ASTN2: variants seen among roughly 807,000 people sequenced by gnomAD.
The protein encoded by ASTN2 is astrotactin-2.
Under a neutral mutation model 139.8 loss-of-function variants are expected in ASTN2, and 54 were observed. The ratio of observed to expected loss-of-function variants is 0.39; its 90% CI spans 0.31 to 0.48. ASTN2 has a LOEUF of 0.48. Among genes scored for constraint, ASTN2 ranks in the 20% least tolerant of loss-of-function variants. ASTN2 has a pLI of 0.95. For missense variants in ASTN2, 1,565 were observed against 1,725.1 expected (o/e 0.91, Z 1.64); for synonymous variants, 756 against 719.5 (o/e 1.05, Z -0.81).
intron 10 of ASTN2, among the ~76,000 whole-genome samples, chr9:116,972,543 C>T (rs1836240394): frequency 6.6e-6 from 1 of 152,114 alleles, no homozygotes; most frequent in Admixed American, 6.6e-5. Flanking sequence ...ATATATACCT[C>T]CAACTTTAGT....
intron 10 of ASTN2, among the ~76,000 whole-genome samples, chr9:116,971,868 G>C (rs1928986): frequency 0.97 from 147,928 of 152,264 alleles, 72,002 homozygotes; most frequent in East Asian, 1. Context: ...CCATTATTCT[G>C]AAGGGGAAAC....
intron 5 of ASTN2, among the ~76,000 whole-genome samples, chr9:117,043,215 G>A (rs1185655369): frequency 6.6e-6 from 1 of 152,008 alleles, no homozygotes; most frequent in Non-Finnish European, 1.5e-5. Context: ...TATTCTGGGG[G>A]AAAAATATGT....
intron 19 of ASTN2, among the ~76,000 whole-genome samples, chr9:116,503,800 G>A (rs1278034856): frequency 6.6e-6 from 1 of 152,104 alleles, no homozygotes; most frequent in Non-Finnish European, 1.5e-5. Context: ...TACAAAGCAC[G>A]CTCTTTCCTC....
intron 11 of ASTN2, among the ~76,000 whole-genome samples, chr9:116,823,492 T>A (rs866196471): frequency 6.6e-6 from 1 of 152,154 alleles, no homozygotes. Context: ...AGGCAGGGCT[T>A]AGAGCTGATC....
intron 6 of ASTN2, among the ~76,000 whole-genome samples, chr9:117,037,447 GTAC>G (rs1269525889): frequency 6.6e-6 from 1 of 152,242 alleles, no homozygotes; most frequent in Non-Finnish European, 1.5e-5. Flanking sequence ...TATGAGGTAG[GTAC>G]TACTATTATC....
chr9:117,140,935 G>A (rs1045537563), intron 4 of ASTN2, among the ~76,000 whole-genome samples: 1 of 152,228 alleles, frequency 6.6e-6, no homozygotes, highest in Non-Finnish European at 1.5e-5. Context: ...AAAAGTAGGC[G>A]CAGACCCCTG....
intron 5 of ASTN2, among the ~76,000 whole-genome samples, chr9:117,043,816 G>A (rs1222944299): frequency 2.0e-5 from 3 of 150,434 alleles, no homozygotes; most frequent in Non-Finnish European, 2.9e-5. Flanking sequence ...GCTGAGGCAC[G>A]AGAATCGCTT....
At chr9:117,071,185 T>A (rs1445655288) in intron 5 of ASTN2, among the ~76,000 whole-genome samples, 2 of 151,540 alleles carry the variant, frequency 1.3e-5, no homozygotes, top group African/African-American at 4.9e-5. Context: ...ACAGATGGGT[T>A]TTTGGTGTGG....
chr9:117,227,444 G>A (rs890805861), intron 2 of ASTN2, among the ~76,000 whole-genome samples: 1 of 152,140 alleles, frequency 6.6e-6, no homozygotes, highest in Non-Finnish European at 1.5e-5. Context: ...TCTTTTTGGA[G>A]TGTATGAATA....
At chr9:117,089,672 C>T (rs995960687) in intron 5 of ASTN2, among the ~76,000 whole-genome samples, 4 of 151,716 alleles carry the variant, frequency 2.6e-5, no homozygotes, top group African/African-American at 4.8e-5. Context: ...TTTTATCCCT[C>T]GCCCCCCTCC....
intron 2 of ASTN2, among the ~76,000 whole-genome samples, chr9:117,222,588 C>T (rs1832562669): frequency 6.6e-6 from 1 of 152,114 alleles, no homozygotes; most frequent in Non-Finnish European, 1.5e-5. Context: ...TTTGTAGAAG[C>T]CATTTACTTT....
intron 19 of ASTN2, among the ~76,000 whole-genome samples, chr9:116,593,653 C>T (rs1588049514): frequency 6.6e-6 from 1 of 152,310 alleles, no homozygotes; most frequent in East Asian, 1.9e-4. Context: ...AAACAACTTT[C>T]ATCACTCTCA....
intron 2 of ASTN2, among the ~76,000 whole-genome samples, chr9:117,242,004 CTTTTTTTTTTTTTTT>C (rs10579284): frequency 2.4e-5 from 1 of 42,478 alleles, no homozygotes; most frequent in Non-Finnish European, 4.0e-5. Flanking sequence ...TTTGGCAAGT[CTTTTTTTTTTTTTTT>C]TTTTTTTTTT....
rs16934116 is a variant in ASTN2 at position 116,958,687 on chromosome 9, C to T, written c.1889+16521G>A. Among the ~76,000 whole-genome samples the T allele has an allele frequency of 1.8e-4, 28 of 152,178 alleles. 2 individuals carry two copies. The South Asian group carries it at 4.6e-3, about 25-fold the overall frequency. ...GGATGAGTAGGAATAGCCCTAGTCA[C>T]TGGAAATTGGTGGGTATGGCACTGG... is the stretch of plus-strand genomic sequence containing the variant. On this transcript the variant is annotated intron_variant, in intron 10 of 22. Transcript: ENST00000313400.
At chr9:117,107,762 A>G (rs1017942603) in intron 4 of ASTN2, among the ~76,000 whole-genome samples, 1 of 152,194 alleles carries the variant, frequency 6.6e-6, no homozygotes, top group African/African-American at 2.4e-5. Flanking sequence ...CCTTGTTGAC[A>G]TGCACTGCAA....
chr9:117,346,178 C>T (rs1027853583), intron 1 of ASTN2, among the ~76,000 whole-genome samples: 1 of 152,028 alleles, frequency 6.6e-6, no homozygotes, highest in South Asian at 2.1e-4. Flanking sequence ...GACTCTTTGT[C>T]CAGAGCACCC....
intron 19 of ASTN2, among the ~76,000 whole-genome samples, chr9:116,593,310 G>A (rs780194586): frequency 6.6e-6 from 1 of 152,224 alleles, no homozygotes; most frequent in Admixed American, 6.5e-5. Context: ...CCGAAGGCAT[G>A]ATACAGGGCT....
chr9:117,244,613 A>G, intron 2 of ASTN2, among the ~76,000 whole-genome samples: 5 of 100,952 alleles, frequency 5.0e-5, no homozygotes, highest in African/African-American at 1.9e-4. Flanking sequence ...GAGGAGAGGG[A>G]GGGAGGGAAG....
At chr9:117,158,248 T>C (rs1316023315) in intron 3 of ASTN2, among the ~76,000 whole-genome samples, 1 of 152,008 alleles carries the variant, frequency 6.6e-6, no homozygotes, top group African/African-American at 2.4e-5. Flanking sequence ...GATACAGATT[T>C]TGACTATAGC....
Sources: allele counts gnomAD v4.1 joint callset (sites outside exome capture counted in the v4.1 genomes callset), GRCh38; gene constraint gnomAD v4.1.1; transcripts MANE v1.5; gene names NCBI Gene and HGNC (gene_info 2026-07-23, HGNC 2026-07-21).